Variants in CDKAL1 observed in about 807,000 individuals in gnomAD.
The protein encoded by CDKAL1 is CDKAL1 threonylcarbamoyladenosine tRNA methylthiotransferase, also known as threonylcarbamoyladenosine tRNA methylthiotransferase.
CDKAL1 carries 32 observed loss-of-function variants against 68.2 expected under a neutral mutation model. The observed-to-expected ratio is 0.47, with a 90% CI of 0.35 to 0.63. The LOEUF (loss-of-function observed/expected upper bound fraction) is 0.63, where lower values mean the gene tolerates loss of function less well. CDKAL1 is among the 30% of genes least tolerant of loss of function. CDKAL1 has a pLI of 0.00. For missense variants in CDKAL1, 606 were observed against 696.7 expected, an observed-to-expected ratio of 0.87 and a Z score of 1.47; for synonymous variants, 234 against 244.3, an observed-to-expected ratio of 0.96 and a Z score of 0.39.
chr6:20,906,822 C>G (rs1427407105), intron 9 of CDKAL1, among the ~76,000 whole-genome samples: 1 of 152,134 alleles, frequency 6.6e-6, no homozygotes, highest in Non-Finnish European at 1.5e-5. Flanking sequence ...TCTTATCAGT[C>G]AGAGTCTGAC....
At chr6:20,646,246 G>A (rs774304571) in intron 4 of CDKAL1, among the ~76,000 whole-genome samples, 40 of 151,442 alleles carry the variant, frequency 2.6e-4, no homozygotes, top group Non-Finnish European at 4.9e-4. Flanking sequence ...TAGTAGAAAT[G>A]GGGTTTCACT....
At chr6:20,796,583 C>T (rs573913588) in intron 8 of CDKAL1, among the ~76,000 whole-genome samples, 1 of 152,280 alleles carries the variant, frequency 6.6e-6, no homozygotes, top group African/African-American at 2.4e-5. Flanking sequence ...TAGTTTAAGA[C>T]TTACTGTAAA....
chr6:20,899,290 C>G (rs59214549), intron 9 of CDKAL1, among the ~76,000 whole-genome samples: 4,662 of 151,976 alleles, frequency 0.031, 223 homozygotes, highest in African/African-American at 0.1. Context: ...GTCTCAATCT[C>G]TTGACCTCGT....
chr6:20,984,058 G>A (rs1005362512), intron 10 of CDKAL1, among the ~76,000 whole-genome samples: 6 of 152,148 alleles, frequency 3.9e-5, no homozygotes, highest in African/African-American at 1.4e-4. Flanking sequence ...CTAAGATCGC[G>A]TGAAGTAAAA....
intron 10 of CDKAL1, among the ~76,000 whole-genome samples, chr6:20,978,235 T>G (rs1430965439): frequency 6.6e-6 from 1 of 152,222 alleles, no homozygotes; most frequent in Non-Finnish European, 1.5e-5. Flanking sequence ...TTTTGTAAAG[T>G]CAGCTTGAAA....
At chr6:20,819,584 T>C (rs997674792) in intron 8 of CDKAL1, among the ~76,000 whole-genome samples, 2 of 152,176 alleles carry the variant, frequency 1.3e-5, no homozygotes, top group African/African-American at 4.8e-5. Flanking sequence ...CTAGATGTTA[T>C]CCTAAGATGA....
chr6:20,695,610 G>A (rs958544763), intron 5 of CDKAL1, among the ~76,000 whole-genome samples: 1 of 152,026 alleles, frequency 6.6e-6, no homozygotes, highest in Non-Finnish European at 1.5e-5. Context: ...GCTTGGCATG[G>A]ATCTGTTCCT....
chr6:20,616,839 C>CACACACACACACA (rs1766928603), intron 4 of CDKAL1, among the ~76,000 whole-genome samples: 2 of 121,312 alleles, frequency 1.6e-5, no homozygotes, highest in South Asian at 2.9e-4. Flanking sequence ...CCCGACTCTA[C>CACACACACACACA]CACACACACA....
intron 11 of CDKAL1, among the ~76,000 whole-genome samples, chr6:21,062,877 CTG>C (rs1310371312): frequency 6.7e-6 from 1 of 150,144 alleles, no homozygotes; most frequent in African/African-American, 2.5e-5. Flanking sequence ...ATTTGATAAA[CTG>C]TTTTCATTCT....
chr6:21,215,467 TG>T (rs1312216205), intron 15 of CDKAL1, among the ~76,000 whole-genome samples: 17 of 152,278 alleles, frequency 1.1e-4, no homozygotes, highest in Middle Eastern at 3.4e-3. Context: ...TATGAAATCT[TG>T]GTGTTTTTGC....
At chr6:20,992,202 A>ATC (rs1766861637) in intron 10 of CDKAL1, among the ~76,000 whole-genome samples, 1 of 142,008 alleles carries the variant, frequency 7.0e-6, no homozygotes, top group African/African-American at 2.8e-5. Flanking sequence ...TTTTTTATAT[A>ATC]TATATATATG....
chr6:21,200,957 T>C (rs1778663376), intron 14 of CDKAL1, 153 bp from the exon 15 acceptor site: 1 of 582,370 alleles, frequency 1.7e-6, no homozygotes, highest in South Asian at 3.2e-5. Context: ...AAAAGTGCTA[T>C]ACTAATGTAA....
intron 15 of CDKAL1, among the ~76,000 whole-genome samples, chr6:21,229,553 C>T (rs374823207): frequency 5.6e-4 from 85 of 152,276 alleles, no homozygotes; most frequent in East Asian, 1.7e-3. Flanking sequence ...GTTGCTAGAG[C>T]GCTTGGAAGG....
chr6:21,188,603 G>C (rs954883903), intron 13 of CDKAL1, among the ~76,000 whole-genome samples: 2 of 152,172 alleles, frequency 1.3e-5, no homozygotes, highest in Admixed American at 1.3e-4. Flanking sequence ...CCATGAATCA[G>C]ATCTCATGGA....
At chr6:21,159,011 G>C (rs1776776845) in intron 13 of CDKAL1, among the ~76,000 whole-genome samples, 2 of 151,114 alleles carry the variant, frequency 1.3e-5, no homozygotes, top group South Asian at 4.2e-4. Context: ...ATACGTTTTT[G>C]TTTTGACCAT....
chr6:20,765,927 C>A (rs762564150), intron 7 of CDKAL1, among the ~76,000 whole-genome samples: 11,304 of 152,198 alleles, frequency 0.074, 543 homozygotes, highest in Non-Finnish European at 0.11. Flanking sequence ...AATAGATGCT[C>A]TAGAAAAAGT....
intron 9 of CDKAL1, among the ~76,000 whole-genome samples, chr6:20,893,372 G>T (rs1761512659): frequency 6.6e-6 from 1 of 152,114 alleles, no homozygotes; most frequent in South Asian, 2.1e-4. Context: ...CTGTATAACT[G>T]AATGGTTCAA....
chr6:20,827,589 A>G (rs1423570508), intron 8 of CDKAL1, among the ~76,000 whole-genome samples: 3 of 152,176 alleles, frequency 2.0e-5, no homozygotes, highest in Non-Finnish European at 4.4e-5. Context: ...GGGCTATTAC[A>G]AAGTGATGTT....
intron 11 of CDKAL1, among the ~76,000 whole-genome samples, chr6:21,046,738 T>C (rs1461511199): frequency 2.0e-5 from 3 of 152,230 alleles, no homozygotes; most frequent in African/African-American, 7.2e-5. Context: ...GGGAAAGGGC[T>C]CTTGGCCACC....
Sources: gnomAD v4.1 joint callset for allele counts (sites outside exome capture counted in the v4.1 genomes callset) on GRCh38, gnomAD v4.1.1 for gene constraint, MANE v1.5 for transcripts, NCBI Gene and HGNC (gene_info 2026-07-23, HGNC 2026-07-21) for gene names.